The following MYH10 variants were observed in gnomAD, a reference collection of about 807,000 sequenced individuals.
MYH10 encodes myosin-10.
In MYH10, 55 loss-of-function variants were observed where a neutral mutation model predicts 257.8. That is an observed-to-expected ratio of 0.21 (90% CI 0.17 to 0.27). MYH10 has a LOEUF of 0.27. MYH10 is among the 10% of genes least tolerant of loss of function. The pLI is 1.00. For missense variants in MYH10, 1,631 were observed against 2,500.6 expected, an observed-to-expected ratio of 0.65 and a Z score of 7.42; for synonymous variants, 854 against 921.7, an observed-to-expected ratio of 0.93 and a Z score of 1.33.
chr17:8,493,247 G>A (rs1024111295), intron 32 of MYH10, among the ~76,000 whole-genome samples: 1 of 152,002 alleles, frequency 6.6e-6, no homozygotes, highest in African/African-American at 2.4e-5. Context: ...GGGAGGCTCA[G>A]GTGGGAGGAT....
At chr17:8,606,570 T>TC (rs2084818244) in intron 2 of MYH10, among the ~76,000 whole-genome samples, 1 of 152,156 alleles carries the variant, frequency 6.6e-6, no homozygotes, top group Non-Finnish European at 1.5e-5. Context: ...CAGAAAGCTC[T>TC]CCAGAGACTA....
chr17:8,582,503 G>A (rs2083746789), intron 4 of MYH10, among the ~76,000 whole-genome samples: 1 of 152,220 alleles, frequency 6.6e-6, no homozygotes, highest in African/African-American at 2.4e-5. Flanking sequence ...GTGCTCTTTT[G>A]GAGAAGAAAT....
At chr17:8,530,730 C>T in intron 16 of MYH10, 45 bp from the exon 17 acceptor site, 2 of 1,400,040 alleles carry the variant, frequency 1.4e-6, no homozygotes, top group Non-Finnish European at 2.0e-6. Context: ...AGCAAATACA[C>T]AAACACTTCA....
chr17:8,603,562 GAGAA>G (rs945081681), intron 3 of MYH10, among the ~76,000 whole-genome samples: 11 of 152,166 alleles, frequency 7.2e-5, no homozygotes, highest in African/African-American at 1.9e-4. Flanking sequence ...GGCTTAATCA[GAGAA>G]AGAGAGCGCT....
intron 42 of MYH10, 69 bp from the exon 43 acceptor site, chr17:8,476,017 C>T: frequency 6.6e-7 from 1 of 1,510,040 alleles, no homozygotes; most frequent in Non-Finnish European, 8.9e-7. Flanking sequence ...ATATGTTCAA[C>T]CACTCAATGC....
chr17:8,487,132 G>A (rs1006227057), intron 36 of MYH10, among the ~76,000 whole-genome samples: 1 of 152,182 alleles, frequency 6.6e-6, no homozygotes, highest in African/African-American at 2.4e-5. Context: ...ACAGCACTAA[G>A]GGGCTGGGTC....
At chr17:8,493,915 C>T (rs1916151761) in intron 31 of MYH10, 30 bp from the exon 32 acceptor site, 1 of 1,581,674 alleles carries the variant, frequency 6.3e-7, no homozygotes, top group Non-Finnish European at 8.6e-7. Flanking sequence ...GGCAACACTT[C>T]CATTACATTT....
intron 42 of MYH10, among the ~76,000 whole-genome samples, chr17:8,476,294 G>A (rs1469967915): frequency 1.3e-5 from 2 of 152,244 alleles, no homozygotes; most frequent in Non-Finnish European, 2.9e-5. Flanking sequence ...GGACTCTGTT[G>A]CATATTCTTT....
Position 8,506,278 on chromosome 17 carries a change from C to T in MYH10, c.3386+40G>A. Reference sequence around the variant, plus strand: ...ATAACAAAGTCTGCTGAAACTCAGCCCCATGGGCTCCCGTGCAGCGCAGCT... The same window carrying T: ...ATAACAAAGTCTGCTGAAACTCAGCTCCATGGGCTCCCGTGCAGCGCAGCT... On this transcript the variant is annotated intron_variant, in intron 27 of 42. Transcript: ENST00000360416. The surrounding 1 kb of genome is among the most constrained non-coding windows in gnomAD (Gnocchi z 5.0). 1 of 1,531,026 alleles carries T rather than the reference C, an allele frequency of 6.5e-7. No individual in the cohort carries two copies. 94.8% of individuals were successfully genotyped at this position (1,531,026 alleles called of 1,614,324 possible). A position where few individuals can be genotyped will look rare whatever the true frequency, so the allele number is the denominator to read the frequency against.
chr17:8,628,041 T>C (rs1002291648), intron 1 of MYH10, among the ~76,000 whole-genome samples: 3 of 152,226 alleles, frequency 2.0e-5, no homozygotes, highest in Non-Finnish European at 4.4e-5. Flanking sequence ...TACAATGCTA[T>C]ATACTACCTT....
rs778990648 is a variant in MYH10 at position 8,487,565 on chromosome 17, A to G, written c.4914T>C (p.Asp1638=). ...QVRELEAELE[D]ERKQRALAVA... ...CAGCAAGCGCCCGCTGTTTCCTCTC[A>G]TCCTCCAGCTCCGCCTCGAGCTCCC... The change falls in exon 36 of 43, where the codon GAT becomes GAC. Residue 1638 remains aspartate, a synonymous_variant. Transcript: ENST00000360416. The G allele has an allele frequency of 7.2e-5, 117 of 1,613,984 alleles. No homozygotes were observed. Among genetic ancestry groups the G allele is most frequent in the Non-Finnish European group, 9.7e-5 (114 of 1,180,042 alleles).
rs2081000221 is a variant in MYH10, at chr17:8,504,223, C to T, written c.3599+471G>A. 6.6e-6 allele frequency among the ~76,000 whole-genome samples: 1 copy of T among 152,206 alleles called. No homozygotes were observed. On this transcript the variant is annotated intron_variant, in intron 28 of 42. Coordinates refer to ENST00000360416, the MANE Select transcript of MYH10 (RefSeq NM_001256012.3). This position sits in a 1 kb window ranked among gnomAD's most constrained non-coding sequence, Gnocchi z 5.6. ...ACTCTGTCCCAGTGCGTGCACCAGCCTTCTTCTCACCCTTGTGAAGGCACC... is the reference window on the plus strand; with the variant it reads ...ACTCTGTCCCAGTGCGTGCACCAGCTTTCTTCTCACCCTTGTGAAGGCACC...
rs1916385561 is a variant in MYH10 at position 8,495,167 on chromosome 17, A to G, written c.4026T>C (p.Ala1342=). The change falls in exon 31 of 43, where the codon GCT becomes GCC. Residue 1342 remains alanine (A), a synonymous_variant. Transcript: ENST00000360416. ...KKGIKFAKDA[A]SLESQLQDTQ... ...TATCCTGTAGTTGAGACTCAAGACT[A>G]GCTGCATCCTTAGCAAATTTAATAC... 3 of 1,612,470 alleles carry G rather than the reference A, an allele frequency of 1.9e-6. No individual in the cohort carries two copies. The highest frequency in any genetic ancestry group is 1.3e-5 in the African/African-American group (1 of 74,892).
At chr17:8,585,483 A>T (rs2083885242) in intron 4 of MYH10, among the ~76,000 whole-genome samples, 1 of 151,834 alleles carries the variant, frequency 6.6e-6, no homozygotes. Context: ...GACCCCAGTC[A>T]CACACACTTG....
chr17:8,585,466 T>G (rs964347692), intron 4 of MYH10, among the ~76,000 whole-genome samples: 1 of 151,594 alleles, frequency 6.6e-6, no homozygotes, highest in Non-Finnish European at 1.5e-5. Context: ...TGGACTAAGT[T>G]TATGAAGACC....
chr17:8,487,889 A>G (rs776448778), intron 35 of MYH10, among the ~76,000 whole-genome samples: 1 of 152,140 alleles, frequency 6.6e-6, no homozygotes, highest in Non-Finnish European at 1.5e-5. Context: ...CAAGATGGAA[A>G]AACCCAAGAC....
chr17:8,584,874 G>C lies in MYH10; in HGVS notation c.530+4207C>G, dbSNP rs565613638. 2.6e-5 allele frequency among the ~76,000 whole-genome samples: 4 copies of C among 151,934 alleles called. No individual in the cohort carries two copies. In the East Asian group the frequency reaches 5.8e-4, roughly 22 times the overall value. On this transcript the variant is annotated intron_variant, in intron 4 of 42. Coordinates refer to ENST00000360416, the MANE Select transcript of MYH10 (RefSeq NM_001256012.3). ...TTTACTTATTTTGAGACGGAGTTTCGCTCTTATTGCCCAGGCTGGAGTGCA... is the reference window on the plus strand; with the variant it reads ...TTTACTTATTTTGAGACGGAGTTTCCCTCTTATTGCCCAGGCTGGAGTGCA...
chr17:8,509,129 A>G (rs1409997875), intron 25 of MYH10, among the ~76,000 whole-genome samples: 4 of 152,078 alleles, frequency 2.6e-5, no homozygotes, highest in Non-Finnish European at 5.9e-5. Flanking sequence ...AATCTTTTCT[A>G]TCATTTTTAC....
intron 21 of MYH10, among the ~76,000 whole-genome samples, chr17:8,517,134 C>G (rs1206182676): frequency 2.0e-5 from 3 of 152,124 alleles, no homozygotes; most frequent in Non-Finnish European, 4.4e-5. Flanking sequence ...GAGCGAGACT[C>G]TGTCTCAAAA....
Sources: gnomAD v4.1 joint callset for allele counts (sites outside exome capture counted in the v4.1 genomes callset) on GRCh38, gnomAD v4.1.1 for gene constraint, Gnocchi (gnomAD v3.1) non-coding constraint, MANE v1.5 for transcripts, NCBI Gene and HGNC (gene_info 2026-07-23, HGNC 2026-07-21) for gene names.